PXT1: variants seen among roughly 807,000 people sequenced by gnomAD.
The protein encoded by PXT1 is peroxisomal testis enriched protein 1, also known as peroxisomal testis-specific protein 1.
PXT1 carries 11 observed loss-of-function variants against 11.0 expected under a neutral mutation model. The ratio of observed to expected loss-of-function variants is 1.00; its 90% CI spans 0.63 to 1.66. The LOEUF (loss-of-function observed/expected upper bound fraction) is 1.66. PXT1 is among the 40% of genes most tolerant of loss of function. The pLI, the probability that PXT1 is intolerant of heterozygous loss-of-function variation, is 0.00. For synonymous variants in PXT1, 43 were observed against 51.4 expected (o/e 0.84, Z 0.70); for missense variants, 141 against 155.5 (o/e 0.91, Z 0.49).
At position 36,391,852 on chromosome 6, in the gene PXT1, T is replaced by A. The variant is rs766580444; in HGVS notation, c.323A>T (p.Asp108Val). 1 of 1,611,720 alleles carries A rather than the reference T, an allele frequency of 6.2e-7. No individual in the cohort carries two copies. Among genetic ancestry groups the A allele is most frequent in the Admixed American group, 1.7e-5 (1 of 59,876 alleles). Reference sequence around the variant, plus strand: ...AAAGAAGACAAAATGATCTAGTGCATCTCTGCCATCCTGTTGAAGATCCTA... The same window carrying A: ...AAAGAAGACAAAATGATCTAGTGCAACTCTGCCATCCTGTTGAAGATCCTA... ...VREDLQQDGR[D>V]ALDHFVFFFF... Residue 108 changes from aspartate (D) to valine (V), a missense_variant, in exon 5 of 5, where the codon GAT becomes GTT. Physicochemically the swap from Asp to Val is radical, Grantham distance 152. Transcript: ENST00000454782.
intron 3 of PXT1, among the ~76,000 whole-genome samples, chr6:36,422,393 T>C (rs924735188): frequency 6.6e-6 from 1 of 152,144 alleles, no homozygotes; most frequent in Non-Finnish European, 1.5e-5. Flanking sequence ...ATGTCAGGGG[T>C]TGCATCTTGA....
intron 3 of PXT1, among the ~76,000 whole-genome samples, 175 bp downstream of exon 3, chr6:36,425,739 G>C (rs1241295769): frequency 1.3e-5 from 2 of 151,368 alleles, no homozygotes; most frequent in African/African-American, 4.9e-5. Flanking sequence ...AGAGAGCTGA[G>C]ATGGCACCAC....
At chr6:36,415,842 C>T (rs1033140733) in intron 3 of PXT1, among the ~76,000 whole-genome samples, 4 of 152,122 alleles carry the variant, frequency 2.6e-5, no homozygotes, top group African/African-American at 9.7e-5. Flanking sequence ...TAGTTTTGAA[C>T]AGGAGGAGGG....
At chr6:36,409,880 AGG>A (rs1164695796) in intron 3 of PXT1, among the ~76,000 whole-genome samples, 6 of 129,138 alleles carry the variant, frequency 4.6e-5, no homozygotes, top group East Asian at 2.3e-4. Flanking sequence ...AAAGAAAAGA[AGG>A]AAGGAAGGAA....
At chr6:36,440,553 A>G (rs2127420086) in intron 1 of PXT1, among the ~76,000 whole-genome samples, 1 of 151,974 alleles carries the variant, frequency 6.6e-6, no homozygotes, top group East Asian at 1.9e-4. Context: ...ACCCAGCCTG[A>G]GCAACAAAGG....
intron 2 of PXT1, among the ~76,000 whole-genome samples, chr6:36,434,209 A>G (rs1174538575): frequency 6.6e-6 from 1 of 152,040 alleles, no homozygotes; most frequent in Non-Finnish European, 1.5e-5. Context: ...AAGAAATGCA[A>G]AAAAACATCC....
At chr6:36,439,182 G>T (rs1650844489) in intron 1 of PXT1, among the ~76,000 whole-genome samples, 1 of 151,770 alleles carries the variant, frequency 6.6e-6, no homozygotes, top group Non-Finnish European at 1.5e-5. Context: ...ATTTTTAGTA[G>T]AGACGGGGTT....
chr6:36,395,493 A>ATTTTTTTTTT (rs148553371), intron 4 of PXT1, among the ~76,000 whole-genome samples: 1 of 73,346 alleles, frequency 1.4e-5, no homozygotes. Flanking sequence ...CAAACTTAGG[A>ATTTTTTTTTT]TTTTTTTTTT....
At chr6:36,428,862 T>G (rs600192) in intron 2 of PXT1, among the ~76,000 whole-genome samples, 67,974 of 151,730 alleles carry the variant, frequency 0.45, 17,193 homozygotes, top group African/African-American at 0.67. Context: ...CACCAAGTTG[T>G]CCAGGCTGGT....
rs1230423500 is a variant in PXT1, at chr6:36,391,542, T to C, written c.*228A>G. On this transcript the variant is annotated 3_prime_UTR_variant, in exon 5 of 5. Coordinates refer to ENST00000454782, the MANE Select transcript of PXT1 (RefSeq NM_152990.4). ...GGCTTCCTGGGGTCCTAATTACTCC[T>C]TGGGCTTTACCGTGATGTGATCGCA... The C allele has an allele frequency of 7.6e-6, 4 of 528,318 alleles. No homozygotes were observed. In the Admixed American group the frequency reaches 1.4e-4, roughly 18 times the overall value. The allele number at this position is 528,318 out of a possible 1,614,324, so 32.7% of individuals were successfully genotyped here. A position where few individuals can be genotyped will look rare whatever the true frequency, so the allele number is the denominator to read the frequency against.
intron 3 of PXT1, among the ~76,000 whole-genome samples, chr6:36,419,905 G>A (rs2127415149): frequency 6.6e-6 from 1 of 152,340 alleles, no homozygotes; most frequent in Admixed American, 6.5e-5. Context: ...GTCAAGAGTG[G>A]GAGGGAGAAG....
At chr6:36,429,043 G>C (rs1290640559) in intron 2 of PXT1, among the ~76,000 whole-genome samples, 1 of 151,660 alleles carries the variant, frequency 6.6e-6, no homozygotes, top group African/African-American at 2.4e-5. Flanking sequence ...GAAGTGGGCT[G>C]ATCACTTGAG....
chr6:36,392,261 G>T (rs1380147854), intron 4 of PXT1, among the ~76,000 whole-genome samples: 1 of 152,176 alleles, frequency 6.6e-6, no homozygotes, highest in Non-Finnish European at 1.5e-5. Flanking sequence ...ACAAACTGGG[G>T]CTCATCAGTA....
At chr6:36,429,337 A>C (rs1277628694) in intron 2 of PXT1, among the ~76,000 whole-genome samples, 1 of 55,800 alleles carries the variant, frequency 1.8e-5, no homozygotes, top group Non-Finnish European at 4.0e-5. Context: ...ATATTATATA[A>C]CCAGGAAATC....
intron 3 of PXT1, among the ~76,000 whole-genome samples, chr6:36,421,384 C>T (rs1774523289): frequency 6.6e-6 from 1 of 152,090 alleles, no homozygotes; most frequent in Non-Finnish European, 1.5e-5. Flanking sequence ...CCACTTGAGC[C>T]CAGGAGTTCG....
chr6:36,408,406 G>A (rs1488980194), intron 3 of PXT1, among the ~76,000 whole-genome samples: 16 of 151,166 alleles, frequency 1.1e-4, no homozygotes, highest in Admixed American at 9.9e-4. Flanking sequence ...GGGACTACAG[G>A]CATGTACCAC....
intron 4 of PXT1, among the ~76,000 whole-genome samples, chr6:36,396,823 T>G (rs1774150604): frequency 6.6e-6 from 1 of 152,046 alleles, no homozygotes; most frequent in South Asian, 2.1e-4. Context: ...CCCTCCCTGC[T>G]GATAGCTGGA....
At chr6:36,404,910 T>C (rs1447887573) in intron 3 of PXT1, among the ~76,000 whole-genome samples, 2 of 152,140 alleles carry the variant, frequency 1.3e-5, no homozygotes, top group Non-Finnish European at 2.9e-5. Context: ...TGAGCCACGA[T>C]TGCGCCACTG....
chr6:36,426,762 G>A (rs1399941214), intron 2 of PXT1, among the ~76,000 whole-genome samples: 2 of 152,088 alleles, frequency 1.3e-5, no homozygotes, highest in Non-Finnish European at 1.5e-5. Context: ...CCAAAATAAA[G>A]TAGATCAAAA....
Sources: allele counts gnomAD v4.1 joint callset (sites outside exome capture counted in the v4.1 genomes callset), GRCh38; gene constraint gnomAD v4.1.1; transcripts MANE v1.5; gene names NCBI Gene and HGNC (gene_info 2026-07-23, HGNC 2026-07-21).